The following ZNF727 variants were observed in gnomAD, a reference collection of about 807,000 sequenced individuals.
ZNF727 encodes the protein putative zinc finger protein 727.
In ZNF727, 11 loss-of-function variants were observed where a neutral mutation model predicts 11.5. The observed-to-expected ratio is 0.95, with a 90% CI of 0.60 to 1.58. The LOEUF (loss-of-function observed/expected upper bound fraction) is 1.58, where lower values mean the gene tolerates loss of function less well. Ranked by LOEUF, ZNF727 falls within the 40% of genes most tolerant of loss-of-function variation. ZNF727 has a pLI of 0.00. For synonymous variants in ZNF727, 171 were observed against 196.1 expected, an observed-to-expected ratio of 0.87 and a Z score of 1.07; for missense variants, 533 against 581.7, an observed-to-expected ratio of 0.92 and a Z score of 0.86.
intron 1 of ZNF727, among the ~76,000 whole-genome samples, chr7:64,054,066 G>A (rs1268821778): frequency 6.6e-6 from 1 of 152,186 alleles, no homozygotes; most frequent in Non-Finnish European, 1.5e-5. Flanking sequence ...CTGTGAGGGA[G>A]GCACAGATGT....
intron 1 of ZNF727, among the ~76,000 whole-genome samples, chr7:64,050,776 ATGTG>A (rs10609208): frequency 0.59 from 87,557 of 148,362 alleles, 26,706 homozygotes; most frequent in Non-Finnish European, 0.69. Flanking sequence ...ATGCATATGT[ATGTG>A]TGTGTGTGTG....
At chr7:64,052,833 T>C (rs1789624143) in intron 1 of ZNF727, among the ~76,000 whole-genome samples, 1 of 152,210 alleles carries the variant, frequency 6.6e-6, no homozygotes, top group South Asian at 2.1e-4. Context: ...GGTGATCATT[T>C]TGGAGCTTTA....
In ZNF727 at chr7:64,083,650, A is replaced by C. The variant is rs1286724554; in HGVS notation, c.*5101A>C. ...AGTGGGTTCCTGAGGGTATCTCCTCACCCGAAGGTTGCAGAGATCTGTGGG... is the reference window on the plus strand; with the variant it reads ...AGTGGGTTCCTGAGGGTATCTCCTCCCCCGAAGGTTGCAGAGATCTGTGGG... On this transcript the variant is annotated 3_prime_UTR_variant, in exon 4 of 4. Coordinates refer to ENST00000456806, the MANE Select transcript of ZNF727 (RefSeq NM_001159522.3). 6.6e-6 allele frequency among the ~76,000 whole-genome samples: 1 copy of C among 152,134 alleles called. No individual in the cohort carries two copies.
Position 64,083,336 on chromosome 7 carries a change from A to G in ZNF727, c.*4787A>G, listed in dbSNP as rs1364341468. Among the ~76,000 whole-genome samples, 1 of 152,162 alleles carries G rather than the reference A, an allele frequency of 6.6e-6. No homozygotes were observed. Among genetic ancestry groups the G allele is most frequent in the Non-Finnish European group, 1.5e-5 (1 of 68,028 alleles). ...TCTGGTAGCTCCATCCCAGGGAGGT[A>G]CCGTACTGCTACCAATGGTTGGCTG... On this transcript the variant is annotated 3_prime_UTR_variant, in exon 4 of 4. Coordinates refer to ENST00000456806, the MANE Select transcript of ZNF727 (RefSeq NM_001159522.3).
At chr7:64,074,468 G>T (rs1256482058) in intron 3 of ZNF727, among the ~76,000 whole-genome samples, 1 of 152,050 alleles carries the variant, frequency 6.6e-6, no homozygotes, top group Non-Finnish European at 1.5e-5. Context: ...CAGATTTTTG[G>T]AGACCACTAT....
intron 1 of ZNF727, among the ~76,000 whole-genome samples, chr7:64,048,336 A>G (rs1789541088): frequency 6.6e-6 from 1 of 152,340 alleles, no homozygotes; most frequent in East Asian, 1.9e-4. Flanking sequence ...CTGTTTTAGC[A>G]TGATTTCAAA....
At chr7:64,055,416 C>CAA (rs33991395) in intron 1 of ZNF727, among the ~76,000 whole-genome samples, 93,458 of 147,186 alleles carry the variant, frequency 0.63, 30,000 homozygotes, top group Non-Finnish European at 0.7. Flanking sequence ...GACTTCATCT[C>CAA]AAAAAAAAAA....
intron 1 of ZNF727, among the ~76,000 whole-genome samples, chr7:64,061,098 C>G (rs1313776985): frequency 6.6e-6 from 1 of 152,146 alleles, no homozygotes; most frequent in Non-Finnish European, 1.5e-5. Context: ...AACATATGGT[C>G]TATCCTTGAG....
At chr7:64,064,568 G>C (rs1478309141) in intron 1 of ZNF727, among the ~76,000 whole-genome samples, 1 of 152,166 alleles carries the variant, frequency 6.6e-6, no homozygotes, top group Non-Finnish European at 1.5e-5. Flanking sequence ...CCTGGGGTAA[G>C]GATGATGCAG....
intron 1 of ZNF727, among the ~76,000 whole-genome samples, chr7:64,063,519 T>TG (rs1789812378): frequency 7.3e-6 from 1 of 136,226 alleles, no homozygotes; most frequent in Non-Finnish European, 1.7e-5. Flanking sequence ...GGAGCTGGAG[T>TG]GGGTGTAACA....
chr7:64,074,625 C>G (rs760206705), intron 3 of ZNF727, among the ~76,000 whole-genome samples: 1 of 152,122 alleles, frequency 6.6e-6, no homozygotes, highest in Non-Finnish European at 1.5e-5. Flanking sequence ...GTCAACTGAT[C>G]ATACAGAAAA....
At position 64,069,555 on chromosome 7, in the gene ZNF727, CAAAGA is replaced by C. The variant is rs1789926394; in HGVS notation, c.178_182del (p.Lys60AlafsTer46). 6.4e-7 allele frequency: 1 copy of C among 1,563,312 alleles called. No homozygotes were observed. The highest frequency in any genetic ancestry group is 1.4e-5 in the African/African-American group (1 of 73,452). The stretch of plus-strand genomic sequence containing the variant: ...GCCAGACTTGATTACCTATCTGGAG[CAAAGA>C]AAAGAGCCTTGGAATGCGAGGAGAC... On this transcript the variant is annotated frameshift_variant, in exon 3 of 4. Coordinates refer to ENST00000456806, the MANE Select transcript of ZNF727 (RefSeq NM_001159522.3). LOFTEE classifies it high-confidence loss of function.
chr7:64,053,162 G>T (rs1789629093), intron 1 of ZNF727, among the ~76,000 whole-genome samples: 1 of 152,088 alleles, frequency 6.6e-6, no homozygotes, highest in Admixed American at 6.6e-5. Flanking sequence ...AGAATGATAG[G>T]GTTTGACTGT....
At chr7:64,054,757 T>C (rs578098161) in intron 1 of ZNF727, among the ~76,000 whole-genome samples, 9 of 152,340 alleles carry the variant, frequency 5.9e-5, no homozygotes, top group Admixed American at 5.9e-4. Context: ...GATATCTCTC[T>C]GTAGTCTTAG....
chr7:64,069,660 A>C, intron 3 of ZNF727, 51 bp downstream of exon 3: 2 of 1,408,168 alleles, frequency 1.4e-6, no homozygotes, highest in Non-Finnish European at 2.0e-6. Flanking sequence ...TCCCAATGTC[A>C]AGGAGGAAGC....
intron 3 of ZNF727, among the ~76,000 whole-genome samples, chr7:64,070,780 C>T (rs1562796185): frequency 1.3e-5 from 2 of 152,050 alleles, no homozygotes; most frequent in South Asian, 4.1e-4. Flanking sequence ...ATCCCACTTT[C>T]CCCACCTCTA....
intron 3 of ZNF727, among the ~76,000 whole-genome samples, chr7:64,076,300 G>A (rs1785655782): frequency 6.6e-6 from 1 of 151,524 alleles, no homozygotes; most frequent in Non-Finnish European, 1.5e-5. Flanking sequence ...GTCAATGATT[G>A]TTTTATTCTT....
chr7:64,052,051 G>T (rs538443645), intron 1 of ZNF727, among the ~76,000 whole-genome samples: 1 of 152,284 alleles, frequency 6.6e-6, no homozygotes, highest in South Asian at 2.1e-4. Flanking sequence ...AGAAGGAAAG[G>T]CATGGTTTTG....
chr7:64,071,306 C>T (rs977494028), intron 3 of ZNF727, among the ~76,000 whole-genome samples: 5 of 151,926 alleles, frequency 3.3e-5, no homozygotes, highest in Non-Finnish European at 7.4e-5. Context: ...GTTAGCAGTC[C>T]TAACAGGTAT....
Sources: gnomAD v4.1 joint callset for allele counts (sites outside exome capture counted in the v4.1 genomes callset) on GRCh38, gnomAD v4.1.1 for gene constraint, MANE v1.5 for transcripts, NCBI Gene and HGNC (gene_info 2026-07-23, HGNC 2026-07-21) for gene names.